The following CALCR variants were observed in gnomAD, a reference collection of about 807,000 sequenced individuals.
CALCR encodes calcitonin receptor.
In CALCR, 47 loss-of-function variants were observed where a neutral mutation model predicts 59.5. The ratio of observed to expected loss-of-function variants is 0.79; its 90% CI spans 0.63 to 1.01. The LOEUF (loss-of-function observed/expected upper bound fraction) is 1.01, where lower values mean the gene tolerates loss of function less well. CALCR is among the 50% of genes least tolerant of loss of function. The pLI, the probability that CALCR is intolerant of heterozygous loss-of-function variation, is 0.00. For missense variants in CALCR, 566 were observed against 597.1 expected (o/e 0.95, Z 0.54); for synonymous variants, 213 against 211.3 (o/e 1.01, Z -0.07).
At chr7:93,498,085 G>C (rs768251990) in intron 2 of CALCR, among the ~76,000 whole-genome samples, 2 of 151,642 alleles carry the variant, frequency 1.3e-5, no homozygotes, top group Non-Finnish European at 3.0e-5. Context: ...CTCCTTAAGT[G>C]ACTTTAATTA....
At chr7:93,503,834 C>T (rs757924621) in intron 2 of CALCR, among the ~76,000 whole-genome samples, 1 of 152,018 alleles carries the variant, frequency 6.6e-6, no homozygotes, top group Non-Finnish European at 1.5e-5. Context: ...AAGGAACAAC[C>T]CTCAAATTAA....
chr7:93,531,657 C>A (rs1012112949), intron 2 of CALCR, among the ~76,000 whole-genome samples: 3 of 152,012 alleles, frequency 2.0e-5, no homozygotes, highest in African/African-American at 7.2e-5. Context: ...CATTCTCTAA[C>A]CCCTGATTTC....
chr7:93,479,910 AT>A (rs1304917807), intron 3 of CALCR, among the ~76,000 whole-genome samples: 1 of 151,964 alleles, frequency 6.6e-6, no homozygotes, highest in East Asian at 1.9e-4. Flanking sequence ...TTATTAAAAA[AT>A]AGACATAGTT....
intron 8 of CALCR, among the ~76,000 whole-genome samples, chr7:93,457,193 G>A (rs896663961): frequency 1.6e-4 from 25 of 152,114 alleles, no homozygotes; most frequent in Admixed American, 1.2e-3. Flanking sequence ...AGAGACCTAG[G>A]GAGTTAGTCA....
At chr7:93,454,110 T>C (rs1031976391) in intron 8 of CALCR, among the ~76,000 whole-genome samples, 3 of 151,998 alleles carry the variant, frequency 2.0e-5, no homozygotes, top group Non-Finnish European at 2.9e-5. Context: ...TCAAAAACTC[T>C]GCTATCTCGG....
At chr7:93,477,270 TA>T (rs1800685826) in intron 5 of CALCR, among the ~76,000 whole-genome samples, 1 of 151,896 alleles carries the variant, frequency 6.6e-6, no homozygotes, top group Admixed American at 6.6e-5. Context: ...GAAAAATTTT[TA>T]AAACTCACAT....
At chr7:93,462,713 G>A (rs537147932) in intron 7 of CALCR, among the ~76,000 whole-genome samples, 5 of 152,112 alleles carry the variant, frequency 3.3e-5, no homozygotes, top group African/African-American at 1.2e-4. Flanking sequence ...TTTGATTGGG[G>A]AGTGTTCAAT....
chr7:93,529,405 A>T lies in CALCR; in HGVS notation c.-26-42398T>A, dbSNP rs76568975. 9.8e-3 allele frequency among the ~76,000 whole-genome samples: 1,489 copies of T among 152,290 alleles called. 30 individuals carry two copies. The highest frequency in any genetic ancestry group is 0.034 in the African/African-American group (1,403 of 41,572). The stretch of plus-strand genomic sequence containing the variant: ...GCAGGAGCCACCATGCTTCTTGTGC[A>T]GTCTGCAGAACCATGAGTTAATTAA... On this transcript the variant is annotated intron_variant, in intron 2 of 13. Transcript: ENST00000426151.
chr7:93,474,428 G>A (rs1800622518), intron 5 of CALCR, among the ~76,000 whole-genome samples: 1 of 151,580 alleles, frequency 6.6e-6, no homozygotes, highest in Admixed American at 6.6e-5. Flanking sequence ...ACTCTAGAAG[G>A]TGAAATCTCA....
chr7:93,490,315 T>C (rs906144312), intron 2 of CALCR, among the ~76,000 whole-genome samples: 1 of 151,568 alleles, frequency 6.6e-6, no homozygotes, highest in Non-Finnish European at 1.5e-5. Context: ...ATGGGGATAA[T>C]TGAAAGCATT....
At chr7:93,460,481 G>T (rs1235445839) in intron 8 of CALCR, among the ~76,000 whole-genome samples, 2 of 148,144 alleles carry the variant, frequency 1.4e-5, no homozygotes, top group African/African-American at 5.0e-5. Flanking sequence ...GCTTGAACCC[G>T]GGAGGCGGAG....
At chr7:93,468,884 T>C (rs974695823) in intron 6 of CALCR, 78 bp from the exon 7 acceptor site, 2 of 727,434 alleles carry the variant, frequency 2.7e-6, no homozygotes, top group Non-Finnish European at 4.3e-6. Flanking sequence ...TTTCTAAATA[T>C]ATGTAAATCA....
At chr7:93,552,548 C>T (rs1022146170) in intron 2 of CALCR, among the ~76,000 whole-genome samples, 4 of 152,010 alleles carry the variant, frequency 2.6e-5, no homozygotes, top group Non-Finnish European at 4.4e-5. Context: ...TATTCAGCAC[C>T]GTCTTTACAA....
Position 93,434,267 on chromosome 7 carries a change from A to G in CALCR, c.1177T>C (p.Phe393Leu), listed in dbSNP as rs771881974. Residue 393 changes from phenylalanine (F) to leucine (L), a missense_variant, in exon 13 of 14, where the codon TTC becomes CTC. Transcript: ENST00000426151. ...QGFFVATIYCFCNNEVQTTVK... is the reference protein window; with the variant it reads ...QGFFVATIYCLCNNEVQTTVK... ...TGCATGCTTACCTCATTGTTGCAGAAGCAGTAGATGGTCGCAACAAAGAAG... is the reference window on the plus strand; with the variant it reads ...TGCATGCTTACCTCATTGTTGCAGAGGCAGTAGATGGTCGCAACAAAGAAG... 9.3e-6 allele frequency: 15 copies of G among 1,611,170 alleles called. No individual in the cohort carries two copies. In the South Asian group the frequency reaches 1.6e-4, roughly 18 times the overall value.
chr7:93,513,637 G>A (rs113802309), intron 2 of CALCR, among the ~76,000 whole-genome samples: 1 of 152,090 alleles, frequency 6.6e-6, no homozygotes, highest in East Asian at 1.9e-4. Context: ...CAAGTTGTGT[G>A]ACCTTCGAAA....
intron 5 of CALCR, among the ~76,000 whole-genome samples, chr7:93,473,189 C>T (rs754898608): frequency 9.2e-5 from 14 of 151,714 alleles, no homozygotes; most frequent in Non-Finnish European, 1.5e-4. Context: ...CCTAACTCAG[C>T]TGGATTGGCA....
chr7:93,484,066 G>T (rs769303826), intron 3 of CALCR: 1 of 477,990 alleles, frequency 2.1e-6, no homozygotes, highest in Non-Finnish European at 4.5e-6. Flanking sequence ...TTTTTCAGTC[G>T]ACAAATACTT....
chr7:93,559,960 C>A (rs1789706911), intron 2 of CALCR: 2 of 152,092 alleles, frequency 1.3e-5, no homozygotes, highest in African/African-American at 2.4e-5. Context: ...TTGTGATACT[C>A]ATTCTCACAA....
At chr7:93,500,795 T>C (rs1415616286) in intron 2 of CALCR, among the ~76,000 whole-genome samples, 1 of 152,026 alleles carries the variant, frequency 6.6e-6, no homozygotes, top group Non-Finnish European at 1.5e-5. Flanking sequence ...TCACCACTTA[T>C]GGGATTTCAT....
Sources: gnomAD v4.1 joint callset for allele counts (sites outside exome capture counted in the v4.1 genomes callset) on GRCh38, gnomAD v4.1.1 for gene constraint, MANE v1.5 for transcripts, NCBI Gene and HGNC (gene_info 2026-07-23, HGNC 2026-07-21) for gene names.